The following ARHGAP31 variants were observed in gnomAD, a reference collection of about 807,000 sequenced individuals.
The protein encoded by ARHGAP31 is Rho GTPase activating protein 31.
Under a neutral mutation model 113.9 loss-of-function variants are expected in ARHGAP31, and 34 were observed. That is an observed-to-expected ratio of 0.30 (90% CI 0.23 to 0.40). The LOEUF (loss-of-function observed/expected upper bound fraction) is 0.40, where lower values mean the gene tolerates loss of function less well. ARHGAP31 is among the 10% of genes least tolerant of loss of function. ARHGAP31 has a pLI of 1.00. For missense variants in ARHGAP31, 1,548 were observed against 1,767.1 expected (o/e 0.88, Z 2.22); for synonymous variants, 650 against 684.8 (o/e 0.95, Z 0.79).
intron 6 of ARHGAP31, among the ~76,000 whole-genome samples, chr3:119,388,230 AT>A (rs796130414): frequency 3.6e-4 from 53 of 146,976 alleles, no homozygotes; most frequent in African/African-American, 1.1e-3. Flanking sequence ...TGTAATTTCT[AT>A]TTTTTTTATA....
intron 1 of ARHGAP31, among the ~76,000 whole-genome samples, chr3:119,337,078 C>A (rs2079958532): frequency 6.6e-6 from 1 of 152,204 alleles, no homozygotes; most frequent in Admixed American, 6.5e-5. Flanking sequence ...ATTGTTTCCA[C>A]TTTTTGGCTG....
At chr3:119,400,716 G>C (rs2080596979) in intron 9 of ARHGAP31, among the ~76,000 whole-genome samples, 1 of 152,062 alleles carries the variant, frequency 6.6e-6, no homozygotes, top group Non-Finnish European at 1.5e-5. Flanking sequence ...TTCCTTACAG[G>C]GTGGTCATAA....
intron 1 of ARHGAP31, among the ~76,000 whole-genome samples, chr3:119,311,707 G>C (rs1459437080): frequency 6.6e-6 from 1 of 152,198 alleles, no homozygotes; most frequent in South Asian, 2.1e-4. Flanking sequence ...GCACTTATCA[G>C]GCATTGGATC....
rs1177274439 is a variant in ARHGAP31 at position 119,414,448 on chromosome 3, C to A, written c.2519C>A (p.Thr840Asn). 6.2e-7 allele frequency: 1 copy of A among 1,614,198 alleles called. No homozygotes were observed. The highest frequency in any genetic ancestry group is 1.7e-5 in the Admixed American group (1 of 60,026). Residue 840 changes from threonine (T) to asparagine (N), a missense_variant, in exon 12 of 12, where the codon ACC becomes AAC. Physicochemically the swap from Thr to Asn is moderately conservative, Grantham distance 65. Transcript: ENST00000264245. ...AGCCTCTGTCAGGGAGAGGAGGCAA[C>A]CCCAAGACACAGTGACAAGCAAAAT... The part of the protein sequence containing the change: ...ISSLCQGEEA[T>N]PRHSDKQNSK...
intron 4 of ARHGAP31, among the ~76,000 whole-genome samples, chr3:119,381,917 C>T (rs78133673): frequency 8.3e-4 from 118 of 142,712 alleles, no homozygotes; most frequent in African/African-American, 2.9e-3. Flanking sequence ...ACCCGGGAGG[C>T]GGAGCTTGCA....
chr3:119,402,072 T>G lies in ARHGAP31; in HGVS notation c.1320T>G (p.Asp440Glu). 1 of 1,614,156 alleles carries G rather than the reference T, an allele frequency of 6.2e-7. No homozygotes were observed. Among genetic ancestry groups the G allele is most frequent in the African/African-American group, 1.3e-5 (1 of 75,042 alleles). ...EQLKVFRPVE[D>E]PESEQTAPKM... The stretch of plus-strand genomic sequence containing the variant: ...TGAAGGTTTTCCGGCCTGTTGAGGA[T>G]CCGGAGAGCGAGCAAACAGCCCCAA... Residue 440 changes from aspartate (D) to glutamate (E), a missense_variant, in exon 10 of 12, where the codon GAT becomes GAG. Transcript: ENST00000264245.
At chr3:119,352,960 T>C (rs1438505305) in intron 1 of ARHGAP31, among the ~76,000 whole-genome samples, 1 of 152,228 alleles carries the variant, frequency 6.6e-6, no homozygotes, top group Non-Finnish European at 1.5e-5. Flanking sequence ...TATTCTCTGT[T>C]TCCTGCCCCA....
intron 1 of ARHGAP31, among the ~76,000 whole-genome samples, chr3:119,329,548 T>C (rs916642400): frequency 6.6e-5 from 10 of 152,186 alleles, no homozygotes; most frequent in African/African-American, 2.4e-4. Context: ...AAAAGAAGTT[T>C]CTCTTTCTAG....
At chr3:119,303,269 C>T (rs2079600845) in intron 1 of ARHGAP31, among the ~76,000 whole-genome samples, 1 of 152,196 alleles carries the variant, frequency 6.6e-6, no homozygotes, top group African/African-American at 2.4e-5. Flanking sequence ...GGATAAGGCA[C>T]ATTGCTGATG....
At chr3:119,387,730 G>C (rs1054400082) in intron 6 of ARHGAP31, among the ~76,000 whole-genome samples, 1 of 152,206 alleles carries the variant, frequency 6.6e-6, no homozygotes, top group Non-Finnish European at 1.5e-5. Context: ...ACTAGGTGCT[G>C]TTCTAGACAC....
chr3:119,328,441 T>C (rs562618432), intron 1 of ARHGAP31, among the ~76,000 whole-genome samples: 1 of 152,298 alleles, frequency 6.6e-6, no homozygotes, highest in African/African-American at 2.4e-5. Context: ...CAGTTCCAAA[T>C]ACTGGAGGGC....
chr3:119,297,633 C>T (rs553667710), intron 1 of ARHGAP31, among the ~76,000 whole-genome samples: 7 of 152,254 alleles, frequency 4.6e-5, no homozygotes, highest in Admixed American at 6.5e-5. Context: ...GAGGACAAAG[C>T]GGGGTGATGA....
intron 1 of ARHGAP31, among the ~76,000 whole-genome samples, chr3:119,354,848 ATATT>A (rs1394183902): frequency 1.4e-5 from 2 of 146,630 alleles, no homozygotes; most frequent in Non-Finnish European, 2.9e-5. Context: ...TCTGTACTCT[ATATT>A]TATATATAAT....
At chr3:119,365,175 A>G in intron 1 of ARHGAP31, 141 bp from the exon 2 acceptor site, 1 of 688,794 alleles carries the variant, frequency 1.5e-6, no homozygotes, top group Non-Finnish European at 2.5e-6. Context: ...ACCACTTACA[A>G]GAAATTGTTT....
intron 8 of ARHGAP31, among the ~76,000 whole-genome samples, chr3:119,394,183 G>A (rs2080528084): frequency 6.6e-6 from 1 of 152,226 alleles, no homozygotes; most frequent in Non-Finnish European, 1.5e-5. Context: ...GGAGGTACAT[G>A]ATGTCAATAT....
Position 119,414,884 on chromosome 3 carries a change from C to G in ARHGAP31, c.2955C>G (p.Asp985Glu), listed in dbSNP as rs1324640525. 1.9e-6 allele frequency: 3 copies of G among 1,614,194 alleles called. No individual in the cohort carries two copies. The highest frequency in any genetic ancestry group is 3.3e-5 in the Admixed American group (2 of 60,020). Residue 985 changes from aspartate (D) to glutamate (E), a missense_variant, in exon 12 of 12, where the codon GAC becomes GAG. Coordinates refer to ENST00000264245, the MANE Select transcript of ARHGAP31 (RefSeq NM_020754.4). ...CANLETERNS[D>E]PLQPQAPRRE... Reference sequence around the variant, plus strand: ...ATCTTGAAACAGAGAGGAATTCTGACCCTCTTCAGCCCCAGGCACCCAGGA... The same window carrying G: ...ATCTTGAAACAGAGAGGAATTCTGAGCCTCTTCAGCCCCAGGCACCCAGGA...
At chr3:119,347,556 CAGTGTCTTCATGGA>C (rs1384029151) in intron 1 of ARHGAP31, among the ~76,000 whole-genome samples, 3 of 152,116 alleles carry the variant, frequency 2.0e-5, no homozygotes, top group Admixed American at 1.3e-4. Flanking sequence ...TTTAAAACAC[CAGTGTCTTCATGGA>C]AGCTTTACGG....
At chr3:119,365,475 C>A (rs2080245785) in intron 2 of ARHGAP31, 57 bp downstream of exon 2, 4 of 1,462,558 alleles carry the variant, frequency 2.7e-6, no homozygotes, top group Non-Finnish European at 3.8e-6. Flanking sequence ...TGTGTCCATG[C>A]CTCTGTCCAT....
intron 1 of ARHGAP31, chr3:119,298,825 C>T: frequency 5.1e-6 from 1 of 194,270 alleles, no homozygotes; most frequent in South Asian, 9.4e-5. Flanking sequence ...AGGGACATTT[C>T]TGAAGCAAGC....
Sources: gnomAD v4.1 joint callset for allele counts (sites outside exome capture counted in the v4.1 genomes callset) on GRCh38, gnomAD v4.1.1 for gene constraint, MANE v1.5 for transcripts, NCBI Gene and HGNC (gene_info 2026-07-23, HGNC 2026-07-21) for gene names.